Variants in CDYL2 observed in about 807,000 individuals in gnomAD.
The protein encoded by CDYL2 is chromodomain Y-like protein 2.
In CDYL2, 23 loss-of-function variants were observed where a neutral mutation model predicts 49.4. The ratio of observed to expected loss-of-function variants is 0.47; its 90% CI spans 0.34 to 0.66. The LOEUF (loss-of-function observed/expected upper bound fraction) is 0.66, where lower values mean the gene tolerates loss of function less well. CDYL2 is among the 30% of genes least tolerant of loss of function. CDYL2 has a pLI of 0.01. For synonymous variants in CDYL2, 360 were observed against 268.8 expected (o/e 1.34, Z -3.32); for missense variants, 678 against 656.4 (o/e 1.03, Z -0.36).
At chr16:80,704,003 G>A (rs899644935) in intron 1 of CDYL2, among the ~76,000 whole-genome samples, 5 of 152,196 alleles carry the variant, frequency 3.3e-5, no homozygotes, top group Admixed American at 6.5e-5. Flanking sequence ...ACAGGATAGC[G>A]GAAGTGTGCA....
intron 1 of CDYL2, among the ~76,000 whole-genome samples, chr16:80,699,731 T>G (rs1904291236): frequency 1.3e-5 from 2 of 152,220 alleles, no homozygotes; most frequent in African/African-American, 4.8e-5. Flanking sequence ...ATTACCCTGA[T>G]TTGATCATTA....
intron 2 of CDYL2, among the ~76,000 whole-genome samples, chr16:80,683,909 T>C (rs186372910): frequency 8.9e-4 from 135 of 152,342 alleles, no homozygotes; most frequent in Non-Finnish European, 1.6e-3. Flanking sequence ...ATTTCCATTT[T>C]TCATAAATTA....
chr16:80,599,294 C>A lies in CDYL2; in HGVS notation c.*5094G>T, dbSNP rs1025726798. ...TTATAAATACATACCAGAGATGAAC[C>A]AAATAACTTGATTTTAGCCATATGA... is the stretch of plus-strand genomic sequence containing the variant. On this transcript the variant is annotated 3_prime_UTR_variant, in exon 7 of 7. Transcript: ENST00000570137. 8 of 152,172 alleles carry A rather than the reference C, an allele frequency of 5.3e-5. No individual in the cohort carries two copies. The highest frequency in any genetic ancestry group is 1.9e-4 in the African/African-American group (8 of 41,442). 9.4% of individuals were successfully genotyped at this position (152,172 alleles called of 1,614,324 possible).
chr16:80,639,781 A>AT (rs1739396064), intron 2 of CDYL2: 1 of 454,774 alleles, frequency 2.2e-6, no homozygotes, highest in Non-Finnish European at 4.4e-6. Context: ...GTAGTGTGGT[A>AT]TGGAAAGCAC....
chr16:80,609,747 T>A (rs1231778052), intron 5 of CDYL2, among the ~76,000 whole-genome samples: 1 of 152,134 alleles, frequency 6.6e-6, no homozygotes, highest in East Asian at 1.9e-4. Context: ...TACCCTGCAG[T>A]GCCCTCTTTG....
chr16:80,706,551 G>C (rs1368730494), intron 1 of CDYL2, among the ~76,000 whole-genome samples: 1 of 152,206 alleles, frequency 6.6e-6, no homozygotes, highest in Non-Finnish European at 1.5e-5. Flanking sequence ...ATTCATGACT[G>C]AGGCTGGCTT....
intron 4 of CDYL2, among the ~76,000 whole-genome samples, chr16:80,615,750 C>T (rs961839246): frequency 5.3e-5 from 8 of 152,132 alleles, no homozygotes; most frequent in African/African-American, 1.9e-4. Context: ...GGGGACCAGG[C>T]GTGCAGAGCT....
intron 1 of CDYL2, among the ~76,000 whole-genome samples, chr16:80,737,982 T>C (rs1302123692): frequency 1.3e-5 from 2 of 152,160 alleles, no homozygotes; most frequent in Non-Finnish European, 2.9e-5. Flanking sequence ...ACCTGTCATC[T>C]ACATTGGGCA....
intron 1 of CDYL2, among the ~76,000 whole-genome samples, chr16:80,782,513 A>G (rs7185718): frequency 0.032 from 4,765 of 146,936 alleles, 299 homozygotes; most frequent in African/African-American, 0.12. Context: ...CTGATCCCAA[A>G]GCCAAAGACA....
At chr16:80,691,893 A>T in intron 1 of CDYL2, among the ~76,000 whole-genome samples, 1 of 152,222 alleles carries the variant, frequency 6.6e-6, no homozygotes. Context: ...AGAAAACGCA[A>T]GCAAGGGAAT....
intron 1 of CDYL2, among the ~76,000 whole-genome samples, chr16:80,706,699 A>C (rs568995715): frequency 6.6e-6 from 1 of 152,308 alleles, no homozygotes; most frequent in East Asian, 1.9e-4. Context: ...GCCAAGAAGA[A>C]TGAGATTGAG....
chr16:80,696,957 T>C (rs1904279041), intron 1 of CDYL2, among the ~76,000 whole-genome samples: 1 of 152,294 alleles, frequency 6.6e-6, no homozygotes, highest in African/African-American at 2.4e-5. Context: ...TGATTGCATC[T>C]GTGAATAGCC....
intron 1 of CDYL2, among the ~76,000 whole-genome samples, chr16:80,699,597 A>G (rs543339343): frequency 7.2e-5 from 11 of 152,362 alleles, no homozygotes; most frequent in African/African-American, 2.6e-4. Flanking sequence ...TTAATGTTCT[A>G]CAGCACTGTA....
chr16:80,652,222 T>C (rs1908614846), intron 2 of CDYL2, among the ~76,000 whole-genome samples: 2 of 152,120 alleles, frequency 1.3e-5, no homozygotes, highest in South Asian at 4.1e-4. Flanking sequence ...TGGCTGACTC[T>C]GTAAGTTTAT....
chr16:80,756,597 G>A (rs754736712), intron 1 of CDYL2, among the ~76,000 whole-genome samples: 18 of 151,946 alleles, frequency 1.2e-4, no homozygotes, highest in Non-Finnish European at 2.6e-4. Flanking sequence ...GATCTCTGAA[G>A]CATTATAAAA....
intron 1 of CDYL2, among the ~76,000 whole-genome samples, chr16:80,693,091 A>G (rs1910480951): frequency 8.4e-6 from 1 of 118,368 alleles, no homozygotes. Context: ...ACTCATCTAT[A>G]GTGATCGAAG....
At chr16:80,689,564 G>A (rs1454738971) in intron 1 of CDYL2, among the ~76,000 whole-genome samples, 1 of 152,172 alleles carries the variant, frequency 6.6e-6, no homozygotes, top group Non-Finnish European at 1.5e-5. Context: ...TGAGTTCCTA[G>A]CCACATCTTG....
rs559943399 is a variant in CDYL2 at position 80,803,479 on chromosome 16, C to T, written c.24+671G>A. Among the ~76,000 whole-genome samples, 23 of 152,212 alleles carry T rather than the reference C, an allele frequency of 1.5e-4. No individual in the cohort carries two copies. The South Asian group carries it at 2.9e-3, about 19-fold the overall frequency. On this transcript the variant is annotated intron_variant, in intron 1 of 6. Coordinates refer to ENST00000570137, the MANE Select transcript of CDYL2 (RefSeq NM_152342.4). Reference sequence around the variant, plus strand: ...AGCACGACACCCGCAAGGGCCACCCCCACGCCCGAGCCCGGAGGGCGTCCG... The same window carrying T: ...AGCACGACACCCGCAAGGGCCACCCTCACGCCCGAGCCCGGAGGGCGTCCG...
At chr16:80,658,899 C>G (rs1197756072) in intron 2 of CDYL2, among the ~76,000 whole-genome samples, 1 of 152,116 alleles carries the variant, frequency 6.6e-6, no homozygotes, top group Non-Finnish European at 1.5e-5. Context: ...AAAAGAATAG[C>G]CAGGCATTGC....
Sources: allele counts gnomAD v4.1 joint callset (sites outside exome capture counted in the v4.1 genomes callset), GRCh38; gene constraint gnomAD v4.1.1; transcripts MANE v1.5; gene names NCBI Gene and HGNC (gene_info 2026-07-23, HGNC 2026-07-21).